The following NTRK3 variants were observed in gnomAD, a reference collection of about 807,000 sequenced individuals.
NTRK3 encodes the protein NT-3 growth factor receptor.
A neutral mutation model predicts 91.7 loss-of-function variants in NTRK3; 24 were observed. The observed-to-expected ratio is 0.26, with a 90% CI of 0.19 to 0.37. The LOEUF is 0.37. NTRK3 is among the 10% of genes least tolerant of loss of function. The pLI, the probability that NTRK3 is intolerant of heterozygous loss-of-function variation, is 1.00. For synonymous variants in NTRK3, 483 were observed against 404.0 expected, an observed-to-expected ratio of 1.20 and a Z score of -2.34; for missense variants, 880 against 1,068.9, an observed-to-expected ratio of 0.82 and a Z score of 2.46.
intron 17 of NTRK3, among the ~76,000 whole-genome samples, chr15:87,920,198 G>A (rs1245502212): frequency 6.6e-6 from 1 of 152,214 alleles, no homozygotes; most frequent in African/African-American, 2.4e-5. Flanking sequence ...TTAGTGTGCA[G>A]ATCCACTGGC....
intron 10 of NTRK3, among the ~76,000 whole-genome samples, chr15:88,134,497 G>A (rs1011320260): frequency 1.1e-4 from 17 of 152,218 alleles, no homozygotes; most frequent in Non-Finnish European, 2.2e-4. Context: ...TGGAACAAGA[G>A]AGGAATGAAG....
At chr15:88,164,362 T>C (rs2044739396) in intron 5 of NTRK3, among the ~76,000 whole-genome samples, 1 of 152,208 alleles carries the variant, frequency 6.6e-6, no homozygotes, top group African/African-American at 2.4e-5. Flanking sequence ...AAAGGCCAGC[T>C]GCAGATACAA....
At chr15:87,934,596 G>A (rs1291390966) in intron 15 of NTRK3, among the ~76,000 whole-genome samples, 2 of 152,070 alleles carry the variant, frequency 1.3e-5, no homozygotes, top group African/African-American at 4.8e-5. Context: ...ATCTGGGGGG[G>A]TCCATCAAAC....
chr15:88,089,556 C>G (rs1387958798), intron 13 of NTRK3, among the ~76,000 whole-genome samples: 2 of 152,204 alleles, frequency 1.3e-5, no homozygotes, highest in African/African-American at 4.8e-5. Flanking sequence ...GGGGAAATGT[C>G]TATGACATAT....
intron 13 of NTRK3, among the ~76,000 whole-genome samples, chr15:88,096,151 A>C (rs2150814171): frequency 6.6e-6 from 1 of 152,248 alleles, no homozygotes; most frequent in East Asian, 1.9e-4. Context: ...AGGGCATCCT[A>C]ATCATGCTGT....
Position 88,235,785 on chromosome 15 carries a change from C to G in NTRK3, c.248+20121G>C, listed in dbSNP as rs1273517370. 6.6e-6 allele frequency among the ~76,000 whole-genome samples: 1 copy of G among 152,224 alleles called. No homozygotes were observed. The highest frequency in any genetic ancestry group is 1.5e-5 in the Non-Finnish European group (1 of 68,046). ...TGCTTCACTCCTCTGCAAAAAGCAG[C>G]AAGAAGCTGTGCACCACAACAGGAA... On this transcript the variant is annotated intron_variant, in intron 3 of 18. Transcript: ENST00000394480. This position sits in a 1 kb window ranked among gnomAD's most constrained non-coding sequence, Gnocchi z 5.2.
chr15:88,062,348 C>T (rs2046294792), intron 13 of NTRK3, among the ~76,000 whole-genome samples: 1 of 152,168 alleles, frequency 6.6e-6, no homozygotes, highest in Non-Finnish European at 1.5e-5. Context: ...TGCCTCCTAC[C>T]CCTTTCCCAT....
At chr15:88,130,848 G>C (rs2041263463) in intron 10 of NTRK3, among the ~76,000 whole-genome samples, 2 of 152,190 alleles carry the variant, frequency 1.3e-5, no homozygotes, top group Non-Finnish European at 2.9e-5. Flanking sequence ...AATGGGACAA[G>C]TGATGAAATG....
At position 87,913,777 on chromosome 15, in the gene NTRK3, C is replaced by A. The variant is rs543226488; in HGVS notation, c.2133+15414G>T. Among the ~76,000 whole-genome samples, 5 of 152,306 alleles carry A rather than the reference C, an allele frequency of 3.3e-5. No individual in the cohort carries two copies. The South Asian group carries it at 1.0e-3, about 32-fold the overall frequency. ...AAAATACAATTGGCCTCTTTACGATCAGCAGAAAATGAATGAAAACATGGA... is the reference window on the plus strand; with the variant it reads ...AAAATACAATTGGCCTCTTTACGATAAGCAGAAAATGAATGAAAACATGGA... On this transcript the variant is annotated intron_variant, in intron 17 of 18. Transcript: ENST00000394480.
At chr15:88,091,234 A>C (rs2048987223) in intron 13 of NTRK3, among the ~76,000 whole-genome samples, 1 of 152,214 alleles carries the variant, frequency 6.6e-6, no homozygotes, top group Non-Finnish European at 1.5e-5. Flanking sequence ...CTTGGGAAAG[A>C]CCAGCAAAAA....
chr15:88,096,782 TC>T (rs1198675257), intron 13 of NTRK3, among the ~76,000 whole-genome samples: 1 of 152,116 alleles, frequency 6.6e-6, no homozygotes, highest in Non-Finnish European at 1.5e-5. Flanking sequence ...AGGACTAAGC[TC>T]CAGTTACCCA....
intron 5 of NTRK3, among the ~76,000 whole-genome samples, chr15:88,174,869 C>T (rs1482179032): frequency 1.3e-5 from 2 of 152,358 alleles, no homozygotes; most frequent in African/African-American, 2.4e-5. Flanking sequence ...AGAATGTCAG[C>T]CGTTTCTGCA....
intron 17 of NTRK3, among the ~76,000 whole-genome samples, chr15:87,901,764 A>G (rs28478108): frequency 0.049 from 6,023 of 124,172 alleles, 519 homozygotes; most frequent in African/African-American, 0.2. Flanking sequence ...AAAGTTGGGG[A>G]GGGGGGGAGA....
At chr15:87,927,940 C>G (rs1016124460) in intron 17 of NTRK3, 1 of 152,182 alleles carries the variant, frequency 6.6e-6, no homozygotes, top group African/African-American at 2.4e-5. Flanking sequence ...ATCCAAACTC[C>G]TCTTTCCTTT....
intron 3 of NTRK3, among the ~76,000 whole-genome samples, chr15:88,206,658 GAAAAAAAA>G (rs758639696): frequency 1.7e-5 from 1 of 59,614 alleles, no homozygotes; most frequent in Non-Finnish European, 3.6e-5. Context: ...ACTCCGTCTC[GAAAAAAAA>G]AAAAAAAAAA....
intron 14 of NTRK3, among the ~76,000 whole-genome samples, chr15:88,013,783 A>C (rs1176545627): frequency 6.6e-6 from 1 of 152,050 alleles, no homozygotes; most frequent in East Asian, 1.9e-4. Context: ...AGGTGGATTG[A>C]CTGAGCCCAG....
chr15:87,901,535 G>C (rs532776430), intron 17 of NTRK3, among the ~76,000 whole-genome samples: 1 of 152,336 alleles, frequency 6.6e-6, no homozygotes, highest in South Asian at 2.1e-4. Context: ...GAGGTAGAAA[G>C]AGATGCTTTC....
intron 3 of NTRK3, among the ~76,000 whole-genome samples, chr15:88,217,985 T>C (rs2049937115): frequency 6.6e-6 from 1 of 152,100 alleles, no homozygotes; most frequent in Non-Finnish European, 1.5e-5. Flanking sequence ...TTTTTAAGGC[T>C]CTTGTGCCCA....
At chr15:88,232,258 ACCCACCCCAC>A (rs2051270000) in intron 3 of NTRK3, among the ~76,000 whole-genome samples, 1 of 145,224 alleles carries the variant, frequency 6.9e-6, no homozygotes, top group Non-Finnish European at 1.5e-5. Flanking sequence ...TTTTCCTAAA[ACCCACCCCAC>A]CCCACCCCAC....
Sources: gnomAD v4.1 joint callset for allele counts (sites outside exome capture counted in the v4.1 genomes callset) on GRCh38, gnomAD v4.1.1 for gene constraint, Gnocchi (gnomAD v3.1) non-coding constraint, MANE v1.5 for transcripts, NCBI Gene and HGNC (gene_info 2026-07-23, HGNC 2026-07-21) for gene names.